Variants in HYCC1 observed in about 807,000 individuals in gnomAD.
HYCC1 encodes hyccin PI4KA lipid kinase complex subunit 1.
At chr7:22,922,273 T>C in the HYCC1 span, among the ~76,000 whole-genome samples, 1 of 152,184 alleles carries the variant, frequency 6.6e-6, no homozygotes, top group Non-Finnish European at 1.5e-5. Context: ...AAGACAGCGA[T>C]TGTCAGATTG....
the HYCC1 span, among the ~76,000 whole-genome samples, chr7:22,931,831 A>C: frequency 1.3e-5 from 2 of 152,198 alleles, no homozygotes; most frequent in Non-Finnish European, 2.9e-5. Context: ...ATTTGGATGG[A>C]AAGTAAAAAT....
chr7:22,967,109 T>C, the HYCC1 span, among the ~76,000 whole-genome samples: 1 of 152,232 alleles, frequency 6.6e-6, no homozygotes, highest in East Asian at 1.9e-4. Context: ...TCTGTAAATA[T>C]TTATTAAAGA....
At chr7:22,983,666 T>C in the HYCC1 span, 1 of 395,796 alleles carries the variant, frequency 2.5e-6, no homozygotes. Flanking sequence ...TAATGGGCAC[T>C]CAAATACTTG....
At chr7:22,905,887 C>T in the HYCC1 span, among the ~76,000 whole-genome samples, 1 of 152,154 alleles carries the variant, frequency 6.6e-6, no homozygotes, top group South Asian at 2.1e-4. Flanking sequence ...TTTATGAAGA[C>T]ATGTGCCTTA....
chr7:22,947,662 T>C, the HYCC1 span, among the ~76,000 whole-genome samples: 2 of 152,102 alleles, frequency 1.3e-5, no homozygotes, highest in African/African-American at 4.8e-5. Flanking sequence ...TGTTCAAGGA[T>C]CTACAGCCAA....
chr7:22,962,402 GC>G, the HYCC1 span, among the ~76,000 whole-genome samples: 1 of 152,016 alleles, frequency 6.6e-6, no homozygotes, highest in Non-Finnish European at 1.5e-5. Flanking sequence ...AGAGAAAACT[GC>G]CCTTGATGGT....
chr7:22,985,767 T>A, the HYCC1 span: 1 of 150,522 alleles, frequency 6.6e-6, no homozygotes, highest in Admixed American at 6.6e-5. Flanking sequence ...GGAATAACAG[T>A]CAAATAAACA....
At chr7:22,935,197 G>A in the HYCC1 span, 2 of 152,254 alleles carry the variant, frequency 1.3e-5, no homozygotes, top group African/African-American at 4.8e-5. Context: ...TTCTCAATGA[G>A]TGTTGCTCTG....
chr7:22,992,425 ACTGT>A, the HYCC1 span, among the ~76,000 whole-genome samples: 13 of 152,206 alleles, frequency 8.5e-5, no homozygotes, highest in Middle Eastern at 3.4e-3. Context: ...ATTTTATAGA[ACTGT>A]CTGTTTGGAG....
chr7:22,956,584 T>C, the HYCC1 span, among the ~76,000 whole-genome samples: 1 of 151,954 alleles, frequency 6.6e-6, no homozygotes, highest in South Asian at 2.1e-4. Flanking sequence ...TTAAAAATCA[T>C]CCTATTTAAT....
At chr7:22,957,624 G>A in the HYCC1 span, among the ~76,000 whole-genome samples, 2 of 151,926 alleles carry the variant, frequency 1.3e-5, no homozygotes, top group Non-Finnish European at 2.9e-5. Context: ...GCTTAAGGTG[G>A]GATATTCCTT....
chr7:22,957,751 A>AATGG, the HYCC1 span, among the ~76,000 whole-genome samples: 2 of 151,944 alleles, frequency 1.3e-5, no homozygotes, highest in African/African-American at 4.8e-5. Context: ...AAACACATTT[A>AATGG]GAGTTCCATT....
chr7:22,908,991 G>C, the HYCC1 span, among the ~76,000 whole-genome samples: 1 of 152,200 alleles, frequency 6.6e-6, no homozygotes, highest in South Asian at 2.1e-4. Context: ...TAATACTCTA[G>C]GTGGACTGTC....
chr7:22,998,999 G>C, the HYCC1 span, among the ~76,000 whole-genome samples: 5 of 152,002 alleles, frequency 3.3e-5, no homozygotes, highest in African/African-American at 1.2e-4. Context: ...CCCTACCTAG[G>C]AAAAACTTGG....
At chr7:22,956,664 G>C in the HYCC1 span, among the ~76,000 whole-genome samples, 1 of 151,744 alleles carries the variant, frequency 6.6e-6, no homozygotes, top group Admixed American at 6.6e-5. Context: ...CTCTGGTGCG[G>C]GATGTTGATA....
the HYCC1 span, chr7:22,983,784 A>T: frequency 1.7e-6 from 1 of 595,870 alleles, no homozygotes; most frequent in South Asian, 2.1e-5. Flanking sequence ...TACGGTAATA[A>T]ATTATATTTC....
chr7:22,964,346 C>G, the HYCC1 span: 2 of 881,988 alleles, frequency 2.3e-6, no homozygotes, highest in East Asian at 4.8e-5. Context: ...AATATAGTGA[C>G]AATAGATGAA....
At chr7:22,939,603 T>C in the HYCC1 span, 1 of 152,246 alleles carries the variant, frequency 6.6e-6, no homozygotes, top group African/African-American at 2.4e-5. Flanking sequence ...TTTGATTTTA[T>C]CTTACCTTAA....
the HYCC1 span, among the ~76,000 whole-genome samples, chr7:22,931,094 G>T: frequency 6.6e-6 from 1 of 151,972 alleles, no homozygotes; most frequent in Non-Finnish European, 1.5e-5. Flanking sequence ...CTCTGCAAAT[G>T]AAATTAGTTA....
Sources: allele counts gnomAD v4.1 joint callset (sites outside exome capture counted in the v4.1 genomes callset), GRCh38; gene constraint gnomAD v4.1.1; transcripts MANE v1.5; gene names NCBI Gene and HGNC (gene_info 2026-07-23, HGNC 2026-07-21).